The following TENM2 variants were observed in gnomAD, a reference collection of about 807,000 sequenced individuals.
TENM2 encodes teneurin transmembrane protein 2, also known as teneurin-2.
Under a neutral mutation model 245.2 loss-of-function variants are expected in TENM2, and 52 were observed. The observed-to-expected ratio is 0.21, with a 90% CI of 0.17 to 0.27. The LOEUF (loss-of-function observed/expected upper bound fraction) is 0.27. Among genes scored for constraint, TENM2 ranks in the 10% least tolerant of loss-of-function variants. The pLI, the probability that TENM2 is intolerant of heterozygous loss-of-function variation, is 1.00. For missense variants in TENM2, 3,046 were observed against 3,666.8 expected (o/e 0.83, Z 4.37); for synonymous variants, 1,363 against 1,438.9 (o/e 0.95, Z 1.19).
At chr5:168,240,169 G>A (rs1182930288) in intron 25 of TENM2, among the ~76,000 whole-genome samples, 2 of 152,198 alleles carry the variant, frequency 1.3e-5, no homozygotes, top group East Asian at 1.9e-4. Flanking sequence ...GCAGTGAGCC[G>A]AGATCGTGCC....
the TENM2 span, among the ~76,000 whole-genome samples, chr5:167,122,964 A>G: frequency 6.6e-6 from 1 of 152,070 alleles, no homozygotes; most frequent in Non-Finnish European, 1.5e-5. Flanking sequence ...TACGATTATC[A>G]TCTTCAGAAT....
intron 16 of TENM2, 38 bp from the exon 19 acceptor site, chr5:168,199,826 T>G: frequency 6.3e-7 from 1 of 1,595,984 alleles, no homozygotes; most frequent in Non-Finnish European, 8.5e-7. Context: ...TGCACAGGTG[T>G]GTTTTAGGTG....
At chr5:166,997,934 G>A in the TENM2 span, among the ~76,000 whole-genome samples, 2,128 of 152,064 alleles carry the variant, frequency 0.014, 55 homozygotes, top group African/African-American at 0.049. Context: ...AAAATAATAA[G>A]GACTTTGAAA....
the TENM2 span, among the ~76,000 whole-genome samples, chr5:167,053,112 A>T: frequency 6.6e-6 from 1 of 151,880 alleles, no homozygotes; most frequent in African/African-American, 2.4e-5. Context: ...TTCTCCTCCC[A>T]TTTCTATCTG....
intron 19 of TENM2, among the ~76,000 whole-genome samples, chr5:168,210,878 G>A (rs915245966): frequency 7.2e-5 from 11 of 152,078 alleles, no homozygotes; most frequent in African/African-American, 1.9e-4. Context: ...GCATCTTCTC[G>A]TCTCTGGCAC....
At chr5:167,355,391 C>T (rs896450014) in intron 1 of TENM2, among the ~76,000 whole-genome samples, 2 of 152,002 alleles carry the variant, frequency 1.3e-5, no homozygotes, top group Non-Finnish European at 1.5e-5. Context: ...TTGAACACAC[C>T]GCGCACAAGA....
chr5:168,122,278 A>G (rs1196094109), intron 10 of TENM2, among the ~76,000 whole-genome samples: 1 of 152,100 alleles, frequency 6.6e-6, no homozygotes, highest in Non-Finnish European at 1.5e-5. Context: ...CCGGGTTCAC[A>G]CCATACTCCT....
the TENM2 span, among the ~76,000 whole-genome samples, chr5:167,149,445 A>T: frequency 6.6e-6 from 1 of 152,260 alleles, no homozygotes; most frequent in South Asian, 2.1e-4. Flanking sequence ...TTTAAAGAAG[A>T]TTACATTCCT....
At chr5:167,018,480 A>G in the TENM2 span, among the ~76,000 whole-genome samples, 5 of 152,166 alleles carry the variant, frequency 3.3e-5, no homozygotes, top group African/African-American at 1.2e-4. Flanking sequence ...GAAGAAAGTA[A>G]TGAAGGTTCA....
intron 4 of TENM2, among the ~76,000 whole-genome samples, chr5:167,960,254 G>A (rs542934239): frequency 2.7e-4 from 41 of 152,322 alleles, no homozygotes; most frequent in South Asian, 1.2e-3. Flanking sequence ...CTTCAGAGCC[G>A]GCAGGGTGGG....
chr5:167,517,427 A>G (rs757295352), intron 2 of TENM2, among the ~76,000 whole-genome samples: 1 of 152,136 alleles, frequency 6.6e-6, no homozygotes, highest in Non-Finnish European at 1.5e-5. Flanking sequence ...CAAGGGAGGG[A>G]TAGGGAGATA....
chr5:167,974,052 AGGAAAGGAGGGAGGG>A (rs1562001341), intron 4 of TENM2, among the ~76,000 whole-genome samples: 7 of 38,448 alleles, frequency 1.8e-4, no homozygotes, highest in Admixed American at 3.7e-4. Context: ...GAAGGAAGGG[AGGAAAGGAGGGAGGG>A]AGGGAGGAAG....
At chr5:167,132,942 A>G in the TENM2 span, among the ~76,000 whole-genome samples, 1 of 152,150 alleles carries the variant, frequency 6.6e-6, no homozygotes. Flanking sequence ...CTCTCTTAGG[A>G]CACTGAATGT....
chr5:168,033,212 G>A (rs1284571041), intron 5 of TENM2: 1 of 152,186 alleles, frequency 6.6e-6, no homozygotes, highest in Non-Finnish European at 1.5e-5. Context: ...TGCTAAAAAG[G>A]AGACTGATTT....
chr5:167,550,541 A>G (rs1279184120), intron 2 of TENM2, among the ~76,000 whole-genome samples: 1 of 152,166 alleles, frequency 6.6e-6, no homozygotes. Flanking sequence ...CCTGCATCCA[A>G]GAATTTGCTA....
chr5:167,426,708 T>C (rs1182601202), intron 2 of TENM2, among the ~76,000 whole-genome samples: 1 of 152,222 alleles, frequency 6.6e-6, no homozygotes, highest in Non-Finnish European at 1.5e-5. Context: ...ACATGGGCTG[T>C]TGATACAATT....
chr5:167,446,810 C>CACAG (rs1338173280), intron 2 of TENM2, among the ~76,000 whole-genome samples: 3 of 151,520 alleles, frequency 2.0e-5, no homozygotes, highest in Admixed American at 6.6e-5. Flanking sequence ...CACACACACA[C>CACAG]ACACACACAC....
chr5:167,646,200 CATAT>C (rs61476810), intron 2 of TENM2, among the ~76,000 whole-genome samples: 1,053 of 63,404 alleles, frequency 0.017, 25 homozygotes, highest in African/African-American at 0.046. Context: ...ATGTTGTTTT[CATAT>C]ATATATATAT....
At chr5:167,705,173 G>C (rs1758420443) in intron 2 of TENM2, among the ~76,000 whole-genome samples, 1 of 152,132 alleles carries the variant, frequency 6.6e-6, no homozygotes, top group Admixed American at 6.5e-5. Context: ...AATATCTAAA[G>C]GGAAAACTTT....
Sources: allele counts gnomAD v4.1 joint callset (sites outside exome capture counted in the v4.1 genomes callset), GRCh38; gene constraint gnomAD v4.1.1; transcripts MANE v1.5; gene names NCBI Gene and HGNC (gene_info 2026-07-23, HGNC 2026-07-21).